FAM149A: variants seen among roughly 807,000 people sequenced by gnomAD.
FAM149A encodes the protein protein FAM149A.
Under a neutral mutation model 78.2 loss-of-function variants are expected in FAM149A, and 71 were observed. The observed-to-expected ratio is 0.91, with a 90% confidence interval of 0.75 to 1.11. The LOEUF (loss-of-function observed/expected upper bound fraction) is 1.11. Ranked by LOEUF, FAM149A falls within the 50% of genes least tolerant of loss-of-function variation. The pLI, the probability that FAM149A is intolerant of heterozygous loss-of-function variation, is 0.00. For missense variants in FAM149A, 1,036 were observed against 971.0 expected (o/e 1.07, Z -0.89); for synonymous variants, 446 against 410.5 (o/e 1.09, Z -1.04).
chr4:186,147,037 G>A (rs1477529955), intron 1 of FAM149A: 11 of 936,806 alleles, frequency 1.2e-5, no homozygotes, highest in Admixed American at 6.2e-5. Context: ...GCTATGGGAG[G>A]TCCAAAGAAA....
In FAM149A at chr4:186,162,939, A is replaced by G; in HGVS notation, c.1670A>G (p.Asp557Gly). ...CAGCGGAGACCTGCCTATTTTGCTGACAGAACGCAGTACGTATCAGAATCA... is the reference window on the plus strand; with the variant it reads ...CAGCGGAGACCTGCCTATTTTGCTGGCAGAACGCAGTACGTATCAGAATCA... Residue 557 changes from aspartate (D) to glycine (G), a missense_variant, in exon 9 of 14, where the codon GAC (aspartate) becomes GGC (glycine). By Grantham distance (94) the Asp-to-Gly change is moderately conservative. Transcript: ENST00000389354. The G allele has an allele frequency of 6.3e-7, 1 of 1,599,504 alleles. No homozygotes were observed. The highest frequency in any genetic ancestry group is 8.6e-7 in the Non-Finnish European group (1 of 1,167,934).
At chr4:186,168,690 G>A (rs971789558) in intron 13 of FAM149A, among the ~76,000 whole-genome samples, 3 of 152,174 alleles carry the variant, frequency 2.0e-5, no homozygotes, top group Admixed American at 1.3e-4. Context: ...TAGGTGCTTG[G>A]GGGGAAGTAG....
At chr4:186,160,957 G>T in intron 8 of FAM149A, 1 of 847,764 alleles carries the variant, frequency 1.2e-6, no homozygotes, top group Non-Finnish European at 1.4e-6. Context: ...GAGGTAGGAA[G>T]CTGTGAGAAT....
At chr4:186,162,969 T>C in intron 9 of FAM149A, 21 bp downstream of exon 9, 4 of 1,372,776 alleles carry the variant, frequency 2.9e-6, no homozygotes, top group Non-Finnish European at 3.1e-6. Context: ...GAATCAGTAG[T>C]AGTTACCCAG....
intron 1 of FAM149A, chr4:186,127,745 G>A (rs1392299163): frequency 2.3e-6 from 2 of 880,010 alleles, no homozygotes; most frequent in African/African-American, 3.6e-5. Flanking sequence ...GAGTGCAGTG[G>A]CACGATCTCT....
chr4:186,163,495 G>A lies in FAM149A; in HGVS notation c.1751G>A (p.Arg584Gln), dbSNP rs139445329. Reference sequence around the variant, plus strand: ...TCCTCCGCACCGCACAGACTGGGACGGGCCTCAGACACTCATGGATTATCA... The same window carrying A: ...TCCTCCGCACCGCACAGACTGGGACAGGCCTCAGACACTCATGGATTATCA... Residue 584 changes from arginine to glutamine, a missense_variant, in exon 10 of 14, where the codon CGG (arginine) becomes CAG (glutamine). Arg to Gln is a conservative substitution (Grantham distance 43). Around this residue, in one of 3 missense-constraint regions of FAM149A, gnomAD observed 716 missense variants for 711.8 expected, o/e 1.01. Transcript: ENST00000389354. 34 of 1,613,996 alleles carry A rather than the reference G, an allele frequency of 2.1e-5. No individual in the cohort carries two copies. The highest frequency in any genetic ancestry group is 8.3e-5 in the Admixed American group (5 of 59,998).
chr4:186,169,259 A>T (rs910293992), intron 13 of FAM149A: 16 of 984,806 alleles, frequency 1.6e-5, no homozygotes, highest in Middle Eastern at 1.0e-3. Context: ...ATAATACATT[A>T]TCGAAACAGA....
Position 186,133,145 on chromosome 4 carries a change from C to T in FAM149A, c.567-16028C>T, listed in dbSNP as rs140880001. The T allele has an allele frequency of 2.1e-4, 203 of 985,386 alleles. 1 individual carries two copies. The African/African-American group carries it at 3.2e-3, about 16-fold the overall frequency. 61.0% of individuals were successfully genotyped at this position (985,386 alleles called of 1,614,324 possible). On this transcript the variant is annotated intron_variant, in intron 1 of 13. Transcript: ENST00000389354. ...CATGTATTGTCTCGACTTCTTTCCA[C>T]CCTACACACTACATTCTGCAAGCTG...
rs986515629 is a variant in FAM149A, at chr4:186,126,058, G to C, written c.566+20416G>C. On this transcript the variant is annotated intron_variant, in intron 1 of 13. Transcript: ENST00000389354. ...ATTCCTGTTTGGGTGGTGTTTCCCA[G>C]ACTCCTGTGGGATCTGGACGCTTGT... The C allele has an allele frequency of 5.1e-6, 5 of 985,242 alleles. No homozygotes were observed. In the African/African-American group the frequency reaches 8.7e-5, roughly 17 times the overall value. 61.0% of individuals were successfully genotyped at this position (985,242 alleles called of 1,614,324 possible). A position where few individuals can be genotyped will look rare whatever the true frequency, so the allele number is the denominator to read the frequency against.
At chr4:186,157,962 GC>G in intron 8 of FAM149A, 1 of 1,516,500 alleles carries the variant, frequency 6.6e-7, no homozygotes, top group South Asian at 1.2e-5. Flanking sequence ...TGCGGTAGGA[GC>G]CCACGCAGGC....
Position 186,152,038 on chromosome 4 carries a change from C to T in FAM149A, c.925C>T (p.His309Tyr). 6.2e-7 allele frequency: 1 copy of T among 1,613,726 alleles called. No individual in the cohort carries two copies. The highest frequency in any genetic ancestry group is 8.5e-7 in the Non-Finnish European group (1 of 1,180,012). Residue 309 changes from histidine (H) to tyrosine (Y), a missense_variant, in exon 4 of 14, where the codon CAT becomes TAT. Physicochemically the swap from His to Tyr is moderately conservative, Grantham distance 83. This residue lies in a region of FAM149A where 716 missense variants were observed against 711.8 expected (regional missense o/e 1.01). Coordinates refer to ENST00000389354, the MANE Select transcript of FAM149A (RefSeq NM_001367768.3). ...CGGGGAGTGGACAAGAAGATCCCTC[C>T]ATTTGAGGTGGGACCTTGGTGGTGG...
chr4:186,120,969 C>T (rs1044612687), intron 1 of FAM149A, among the ~76,000 whole-genome samples: 6 of 149,922 alleles, frequency 4.0e-5, no homozygotes, highest in African/African-American at 1.5e-4. Flanking sequence ...TTCTCCTGCC[C>T]CAGCCTCCCT....
intron 1 of FAM149A, among the ~76,000 whole-genome samples, chr4:186,120,915 G>A (rs1176716324): frequency 1.5e-5 from 2 of 137,856 alleles, no homozygotes; most frequent in Non-Finnish European, 1.5e-5. Context: ...GTGCAGTGGC[G>A]CTATCTCGGC....
chr4:186,105,449 G>C lies in FAM149A; in HGVS notation c.373G>C (p.Val125Leu), dbSNP rs1156378059. 1 of 1,215,390 alleles carries C rather than the reference G, an allele frequency of 8.2e-7. No homozygotes were observed. Among genetic ancestry groups the C allele is most frequent in the Non-Finnish European group, 1.0e-6 (1 of 958,562 alleles). The allele number at this position is 1,215,390 out of a possible 1,614,324, so 75.3% of individuals were successfully genotyped here. A position where few individuals can be genotyped will look rare whatever the true frequency, so the allele number is the denominator to read the frequency against. Residue 125 changes from valine to leucine, a missense_variant, in exon 1 of 14, where the codon GTC becomes CTC. Val to Leu is a conservative substitution (Grantham distance 32). Transcript: ENST00000389354. ...GGGCTGCTCCCCTGCTCGCCTGGTGGTCCCAGCGCGGCCGCCCTCGGGCCC... is the reference window on the plus strand; with the variant it reads ...GGGCTGCTCCCCTGCTCGCCTGGTGCTCCCAGCGCGGCCGCCCTCGGGCCC...
At chr4:186,123,348 A>G in intron 1 of FAM149A, 1 of 985,458 alleles carries the variant, frequency 1.0e-6, no homozygotes, top group Non-Finnish European at 1.2e-6. Flanking sequence ...CTGTACCTTT[A>G]TGAGATGGGT....
At chr4:186,110,550 C>G (rs201779203) in intron 1 of FAM149A, among the ~76,000 whole-genome samples, 16,301 of 127,620 alleles carry the variant, frequency 0.13, 1,348 homozygotes, top group African/African-American at 0.22. Flanking sequence ...CCCCCTCCCC[C>G]AACCCCACCA....
rs957464242 is a variant in FAM149A, at chr4:186,125,338, A to G, written c.566+19696A>G. On this transcript the variant is annotated intron_variant, in intron 1 of 13. Coordinates refer to ENST00000389354, the MANE Select transcript of FAM149A (RefSeq NM_001367768.3). ...CTCGTTGGATGAACACAGAGCCAGG[A>G]TGCCTGCTACACCCACATCCCCTGC... 16 of 985,186 alleles carry G rather than the reference A, an allele frequency of 1.6e-5. No homozygotes were observed. In the African/African-American group the frequency reaches 2.6e-4, roughly 16 times the overall value. 61.0% of individuals were successfully genotyped at this position (985,186 alleles called of 1,614,324 possible).
chr4:186,104,866 C>A lies in FAM149A; in HGVS notation c.-211C>A, dbSNP rs1409719247. 1 of 740,312 alleles carries A rather than the reference C, an allele frequency of 1.4e-6. No homozygotes were observed. The highest frequency in any genetic ancestry group is 1.6e-6 in the Non-Finnish European group (1 of 606,312). The allele number at this position is 740,312 out of a possible 1,614,324, so 45.9% of individuals were successfully genotyped here. A position where few individuals can be genotyped will look rare whatever the true frequency, so the allele number is the denominator to read the frequency against. ...GACGAGGCGGGGCTGCTCTCCGCAG[C>A]CGGGGCGCTCGGCGGACGGACCCGG... On this transcript the variant is annotated 5_prime_UTR_variant, in exon 1 of 14. Transcript: ENST00000389354.
intron 3 of FAM149A, among the ~76,000 whole-genome samples, chr4:186,150,568 CA>C (rs1433601599): frequency 0.043 from 3,382 of 78,534 alleles, 217 homozygotes; most frequent in African/African-American, 0.13. Context: ...CACAGGCGCC[CA>C]CCACCACGCC....
Sources: allele counts gnomAD v4.1 joint callset (sites outside exome capture counted in the v4.1 genomes callset), GRCh38; gene constraint gnomAD v4.1.1; regional missense constraint gnomAD v4.1.1; transcripts MANE v1.5; gene names NCBI Gene and HGNC (gene_info 2026-07-23, HGNC 2026-07-21).